LRRC4C: variants seen among roughly 807,000 people sequenced by gnomAD.
LRRC4C encodes the protein leucine rich repeat containing 4C, also known as leucine-rich repeat-containing protein 4C.
A neutral mutation model predicts 33.6 loss-of-function variants in LRRC4C; 5 were observed. The ratio of observed to expected loss-of-function variants is 0.15; its 90% CI spans 0.08 to 0.31. LRRC4C has a LOEUF of 0.31. LRRC4C is among the 10% of genes least tolerant of loss of function. LRRC4C has a pLI of 1.00. For synonymous variants in LRRC4C, 329 were observed against 302.0 expected, an observed-to-expected ratio of 1.09 and a Z score of -0.93; for missense variants, 560 against 796.7, an observed-to-expected ratio of 0.70 and a Z score of 3.58.
At chr11:40,684,213 GACATA>G (rs1361930261) in intron 2 of LRRC4C, among the ~76,000 whole-genome samples, 79 of 151,690 alleles carry the variant, frequency 5.2e-4, no homozygotes, top group East Asian at 5.8e-4. Flanking sequence ...ATATATTATA[GACATA>G]ACATAATTTA....
chr11:40,500,102 G>A (rs1292668894), intron 3 of LRRC4C, among the ~76,000 whole-genome samples: 1 of 151,836 alleles, frequency 6.6e-6, no homozygotes, highest in Non-Finnish European at 1.5e-5. Flanking sequence ...ATACAGTTAT[G>A]GATTCTGGAA....
At chr11:40,322,602 C>T (rs1361558261) in intron 3 of LRRC4C, among the ~76,000 whole-genome samples, 3 of 152,076 alleles carry the variant, frequency 2.0e-5, no homozygotes, top group Non-Finnish European at 4.4e-5. Context: ...GTTTAAGACT[C>T]GGGGAGCATA....
intron 2 of LRRC4C, among the ~76,000 whole-genome samples, chr11:40,746,108 G>C (rs1274058935): frequency 6.6e-6 from 1 of 152,144 alleles, no homozygotes; most frequent in African/African-American, 2.4e-5. Flanking sequence ...AGGATTGGCT[G>C]GGAGCTGAAA....
rs549875292 is a variant in LRRC4C, at chr11:40,824,699, TACA to T, written c.-407+108933_-407+108935del. Among the ~76,000 whole-genome samples the T allele has an allele frequency of 4.9e-3, 744 of 152,090 alleles. 9 individuals carry two copies. The highest frequency in any genetic ancestry group is 7.9e-3 in the Non-Finnish European group (538 of 67,946). The stretch of plus-strand genomic sequence containing the variant: ...TAAGCGGGCCTGCAAGTCAAAGTGC[TACA>T]TTATTAGAAATGTCAACGTGTCTCC... On this transcript the variant is annotated intron_variant, in intron 2 of 6. Transcript: ENST00000528697.
At chr11:40,847,781 CTTTTTTTTTTTT>C (rs34141578) in intron 2 of LRRC4C, among the ~76,000 whole-genome samples, 2 of 109,676 alleles carry the variant, frequency 1.8e-5, no homozygotes, top group Admixed American at 9.3e-5. Flanking sequence ...TGGTCCTGGG[CTTTTTTTTTTTT>C]TTTTTTTGAT....
intron 1 of LRRC4C, among the ~76,000 whole-genome samples, chr11:41,356,729 G>A (rs2137626355): frequency 6.6e-6 from 1 of 152,140 alleles, no homozygotes; most frequent in East Asian, 1.9e-4. Context: ...AAGCTCTCCT[G>A]GTTTTGTCTG....
chr11:40,872,897 C>A (rs1445059809), intron 2 of LRRC4C, among the ~76,000 whole-genome samples: 1 of 152,074 alleles, frequency 6.6e-6, no homozygotes, highest in African/African-American at 2.4e-5. Flanking sequence ...ATCTTTCTAC[C>A]AGTTGTTAAA....
At chr11:40,487,405 C>T (rs985978163) in intron 3 of LRRC4C, among the ~76,000 whole-genome samples, 8 of 151,902 alleles carry the variant, frequency 5.3e-5, no homozygotes, top group African/African-American at 1.9e-4. Context: ...GTCTTAATAC[C>T]AGAAATATGT....
intron 5 of LRRC4C, among the ~76,000 whole-genome samples, chr11:40,170,314 G>A (rs956796497): frequency 1.3e-5 from 2 of 152,142 alleles, no homozygotes; most frequent in East Asian, 1.9e-4. Flanking sequence ...CTATGCTCCC[G>A]TGGTAAACAA....
At chr11:41,308,816 T>C (rs1421340324) in intron 1 of LRRC4C, among the ~76,000 whole-genome samples, 1 of 151,994 alleles carries the variant, frequency 6.6e-6, no homozygotes, top group East Asian at 1.9e-4. Flanking sequence ...TTTCTTTTTT[T>C]TTTTTTAGAC....
intron 3 of LRRC4C, among the ~76,000 whole-genome samples, chr11:40,583,131 C>T (rs1250968031): frequency 6.6e-6 from 1 of 152,122 alleles, no homozygotes; most frequent in Non-Finnish European, 1.5e-5. Flanking sequence ...TCCTTTCTTT[C>T]ACCCAACTTT....
chr11:41,272,936 A>T (rs188531330), intron 1 of LRRC4C, among the ~76,000 whole-genome samples: 3 of 152,318 alleles, frequency 2.0e-5, no homozygotes, highest in African/African-American at 4.8e-5. Flanking sequence ...CCAGTTCTAA[A>T]TCTGAACTTA....
At chr11:40,446,978 C>T (rs1469026708) in intron 3 of LRRC4C, 1 of 153,144 alleles carries the variant, frequency 6.5e-6, no homozygotes. Context: ...GTTTCTACCA[C>T]TTATGGCTCT....
At chr11:40,899,166 T>C (rs2136175575) in intron 2 of LRRC4C, among the ~76,000 whole-genome samples, 1 of 152,144 alleles carries the variant, frequency 6.6e-6, no homozygotes, top group African/African-American at 2.4e-5. Context: ...CATTTATAAA[T>C]GCCTGAGCTG....
At chr11:41,074,130 A>G (rs1479230925) in intron 1 of LRRC4C, among the ~76,000 whole-genome samples, 2 of 152,270 alleles carry the variant, frequency 1.3e-5, no homozygotes, top group South Asian at 4.1e-4. Flanking sequence ...TTTTTTTGTC[A>G]TCAGTCCAAT....
At chr11:40,597,111 C>T (rs1208689978) in intron 3 of LRRC4C, among the ~76,000 whole-genome samples, 1 of 152,110 alleles carries the variant, frequency 6.6e-6, no homozygotes, top group Non-Finnish European at 1.5e-5. Flanking sequence ...AAGAATCAGG[C>T]TCATCTTCAT....
chr11:41,281,270 T>C (rs1425375111), intron 1 of LRRC4C, among the ~76,000 whole-genome samples: 3 of 152,128 alleles, frequency 2.0e-5, no homozygotes, highest in African/African-American at 7.2e-5. Flanking sequence ...AGGTTTTAAA[T>C]AGAAATGAGA....
At chr11:40,389,657 C>G (rs957229558) in intron 3 of LRRC4C, among the ~76,000 whole-genome samples, 4 of 151,974 alleles carry the variant, frequency 2.6e-5, no homozygotes, top group Non-Finnish European at 5.9e-5. Context: ...ATTACAGTAC[C>G]TTCCCTAATA....
At chr11:40,764,692 G>A (rs1025808950) in intron 2 of LRRC4C, among the ~76,000 whole-genome samples, 1 of 152,016 alleles carries the variant, frequency 6.6e-6, no homozygotes, top group Non-Finnish European at 1.5e-5. Flanking sequence ...GGTGGCCACA[G>A]GGGTGCTTGT....
Sources: gnomAD v4.1 joint callset for allele counts (sites outside exome capture counted in the v4.1 genomes callset) on GRCh38, gnomAD v4.1.1 for gene constraint, MANE v1.5 for transcripts, NCBI Gene and HGNC (gene_info 2026-07-23, HGNC 2026-07-21) for gene names.